GADL1: variants seen among roughly 807,000 people sequenced by gnomAD.
The protein encoded by GADL1 is GAD like acidic amino acid decarboxylase 1.
A neutral mutation model predicts 69.5 loss-of-function variants in GADL1; 71 were observed. The observed-to-expected ratio is 1.02, with a 90% CI of 0.84 to 1.25. The LOEUF (loss-of-function observed/expected upper bound fraction) is 1.25. Ranked by LOEUF, GADL1 falls within the 50% of genes most tolerant of loss-of-function variation. The pLI is 0.00. For synonymous variants in GADL1, 254 were observed against 214.4 expected (o/e 1.18, Z -1.62); for missense variants, 737 against 631.8 (o/e 1.17, Z -1.79).
intron 12 of GADL1, among the ~76,000 whole-genome samples, chr3:30,787,465 C>T (rs1462194035): frequency 1.3e-5 from 2 of 152,086 alleles, no homozygotes; most frequent in Non-Finnish European, 2.9e-5. Context: ...TAGTGATTCA[C>T]GAGCCTTTGA....
chr3:30,886,433 C>A (rs997875042), intron 1 of GADL1, among the ~76,000 whole-genome samples: 3 of 152,228 alleles, frequency 2.0e-5, no homozygotes, highest in South Asian at 4.1e-4. Context: ...CCATGAGTAA[C>A]TGTGCAGTTT....
intron 14 of GADL1, among the ~76,000 whole-genome samples, chr3:30,772,944 T>C (rs1696447980): frequency 6.6e-6 from 1 of 152,044 alleles, no homozygotes; most frequent in Admixed American, 6.6e-5. Context: ...AGGAAGCCTA[T>C]TGAAGATCAC....
intron 14 of GADL1, among the ~76,000 whole-genome samples, chr3:30,756,675 G>A (rs984831877): frequency 6.6e-6 from 1 of 152,122 alleles, no homozygotes; most frequent in African/African-American, 2.4e-5. Flanking sequence ...GCCTGGATTA[G>A]CCTGATTGGG....
At chr3:30,781,537 A>G (rs897064205) in intron 13 of GADL1, among the ~76,000 whole-genome samples, 1 of 152,234 alleles carries the variant, frequency 6.6e-6, no homozygotes, top group African/African-American at 2.4e-5. Flanking sequence ...TGGAATGGTG[A>G]ATTTTAATTG....
chr3:30,834,889 C>T (rs1697849668), intron 9 of GADL1, among the ~76,000 whole-genome samples: 1 of 151,918 alleles, frequency 6.6e-6, no homozygotes, highest in South Asian at 2.1e-4. Context: ...AGATAAAATC[C>T]CATAGTCAAC....
chr3:30,853,893 A>G (rs1191380578), intron 4 of GADL1, among the ~76,000 whole-genome samples: 2 of 152,014 alleles, frequency 1.3e-5, no homozygotes, highest in Non-Finnish European at 2.9e-5. Flanking sequence ...AGATTTTTTC[A>G]GTAAGAAAAT....
At chr3:30,755,515 T>TC (rs1191379037) in intron 14 of GADL1, among the ~76,000 whole-genome samples, 11 of 152,240 alleles carry the variant, frequency 7.2e-5, no homozygotes, top group Non-Finnish European at 1.3e-4. Flanking sequence ...CCCTAAGGAA[T>TC]TTCTTGGGCC....
chr3:30,778,367 C>A, intron 13 of GADL1, 99 bp from the exon 14 acceptor site: 1 of 737,218 alleles, frequency 1.4e-6, no homozygotes, highest in South Asian at 1.8e-5. Flanking sequence ...CAAGAGTTAT[C>A]ATGTGTATAA....
chr3:30,792,011 T>C (rs1043966584), intron 12 of GADL1, among the ~76,000 whole-genome samples: 34 of 152,140 alleles, frequency 2.2e-4, no homozygotes, highest in African/African-American at 8.0e-4. Flanking sequence ...TTTTTCTTTA[T>C]AAATTGCCCA....
rs1695380265 is a variant in GADL1 at position 30,727,167 on chromosome 3, C to T, written c.*1075G>A. On this transcript the variant is annotated 3_prime_UTR_variant, in exon 15 of 15. Transcript: ENST00000282538. ...TATGTATATATGTATATCACAGAAA[C>T]ATATATATTTCCCAAATTTTTCTTA... 1 of 146,582 alleles carries T rather than the reference C, an allele frequency of 6.8e-6. No individual in the cohort carries two copies. Among genetic ancestry groups the T allele is most frequent in the Non-Finnish European group, 1.5e-5 (1 of 66,478 alleles). The allele number at this position is 146,582 out of a possible 1,614,324, so 9.1% of individuals were successfully genotyped here.
intron 14 of GADL1, among the ~76,000 whole-genome samples, chr3:30,761,648 C>T (rs2125485558): frequency 6.6e-6 from 1 of 152,184 alleles, no homozygotes; most frequent in Non-Finnish European, 1.5e-5. Context: ...CAATCCTCAT[C>T]AGTCTGTAGT....
intron 12 of GADL1, among the ~76,000 whole-genome samples, chr3:30,786,904 T>C (rs553741310): frequency 6.6e-6 from 1 of 152,300 alleles, no homozygotes; most frequent in South Asian, 2.1e-4. Flanking sequence ...ATCAGTATCA[T>C]GTTAAAAGTA....
At chr3:30,765,160 CAA>C (rs1418113397) in intron 14 of GADL1, among the ~76,000 whole-genome samples, 1 of 152,150 alleles carries the variant, frequency 6.6e-6, no homozygotes, top group Non-Finnish European at 1.5e-5. Context: ...GAAGAGCCAT[CAA>C]AATGTTCATC....
intron 12 of GADL1, 46 bp from the exon 13 acceptor site, chr3:30,786,452 G>C (rs1300084801): frequency 2.0e-6 from 2 of 1,006,292 alleles, no homozygotes; most frequent in Admixed American, 1.7e-5. Context: ...CAATGTAAAA[G>C]TGTCATGAAC....
At chr3:30,749,169 T>C (rs1213544571) in intron 14 of GADL1, among the ~76,000 whole-genome samples, 1 of 152,230 alleles carries the variant, frequency 6.6e-6, no homozygotes, top group African/African-American at 2.4e-5. Context: ...GCCTGCCATT[T>C]GGGGTATCAT....
intron 14 of GADL1, among the ~76,000 whole-genome samples, chr3:30,769,249 G>A (rs1309132864): frequency 1.3e-5 from 2 of 152,158 alleles, no homozygotes; most frequent in African/African-American, 2.4e-5. Context: ...TCGTATTTAG[G>A]TCATCGGTCC....
intron 14 of GADL1, among the ~76,000 whole-genome samples, chr3:30,756,018 CGCAGGAGAAACCTTGGGACTGT>C (rs1553635924): frequency 1.3e-5 from 2 of 152,060 alleles, no homozygotes; most frequent in Non-Finnish European, 2.9e-5. Flanking sequence ...ACCCAGGCCT[CGCAGGAGAAACCTTGGGACTGT>C]GCAGGAGACC....
At chr3:30,751,258 C>A (rs1215147332) in intron 14 of GADL1, among the ~76,000 whole-genome samples, 1 of 152,016 alleles carries the variant, frequency 6.6e-6, no homozygotes, top group Non-Finnish European at 1.5e-5. Context: ...AATTGGAGGC[C>A]TCTAAAGGGC....
chr3:30,751,893 C>T (rs1377289495), intron 14 of GADL1, among the ~76,000 whole-genome samples: 1 of 152,224 alleles, frequency 6.6e-6, no homozygotes, highest in Non-Finnish European at 1.5e-5. Context: ...TTTTCATCCC[C>T]AACCAATCTT....
Sources: gnomAD v4.1 joint callset for allele counts (sites outside exome capture counted in the v4.1 genomes callset) on GRCh38, gnomAD v4.1.1 for gene constraint, MANE v1.5 for transcripts, NCBI Gene and HGNC (gene_info 2026-07-23, HGNC 2026-07-21) for gene names.